CD8B2: variants seen among roughly 807,000 people sequenced by gnomAD.
CD8B2 encodes the protein CD8B family member 2, also known as T-cell surface glycoprotein CD8 beta-2 chain.
A neutral mutation model predicts 23.7 loss-of-function variants in CD8B2; 11 were observed. The ratio of observed to expected loss-of-function variants is 0.46; its 90% confidence interval spans 0.29 to 0.77. The LOEUF is 0.77. Ranked by LOEUF, CD8B2 falls within the 30% of genes least tolerant of loss-of-function variation. The probability of loss-of-function intolerance (pLI) is 0.09; values close to 1 mark genes in which losing one functional copy is unlikely to be tolerated. For synonymous variants in CD8B2, 90 were observed against 109.3 expected (o/e 0.82, Z 1.10); for missense variants, 197 against 270.5 (o/e 0.73, Z 1.91).
intron 5 of CD8B2, among the ~76,000 whole-genome samples, chr2:106,530,527 C>T (rs1005813324): frequency 6.6e-6 from 1 of 151,674 alleles, no homozygotes; most frequent in South Asian, 2.1e-4. Flanking sequence ...TACAGGCGCC[C>T]GCTACCACGC....
Position 106,507,216 on chromosome 2 carries a change from C to A in CD8B2, c.*276C>A. On this transcript the variant is annotated 3_prime_UTR_variant, in exon 6 of 6. Transcript: ENST00000643224. ...TGAGTAAGAAATGCTGCCCATGCCACCGCTTCCGGCTCCTGTGCTTTCCCT... is the reference window on the plus strand; with the variant it reads ...TGAGTAAGAAATGCTGCCCATGCCAACGCTTCCGGCTCCTGTGCTTTCCCT... 8.0e-7 allele frequency: 1 copy of A among 1,249,346 alleles called. No individual in the cohort carries two copies. The highest frequency in any genetic ancestry group is 1.0e-6 in the Non-Finnish European group (1 of 991,674). 77.4% of individuals were successfully genotyped at this position (1,249,346 alleles called of 1,614,324 possible). A position where few individuals can be genotyped will look rare whatever the true frequency, so the allele number is the denominator to read the frequency against.
downstream of CD8B2, among the ~76,000 whole-genome samples, chr2:106,511,923 G>A (rs1679638533): frequency 6.6e-6 from 1 of 152,218 alleles, no homozygotes; most frequent in Non-Finnish European, 1.5e-5. Flanking sequence ...GAAAGCAGAG[G>A]CGCTGAAAAA....
intron 5 of CD8B2, among the ~76,000 whole-genome samples, chr2:106,534,850 G>T (rs1330765417): frequency 1.3e-5 from 2 of 152,048 alleles, no homozygotes; most frequent in Non-Finnish European, 2.9e-5. Context: ...ACAGAGTCTT[G>T]CTTTTTTGCC....
chr2:106,535,839 C>T (rs1472173134), intron 5 of CD8B2, among the ~76,000 whole-genome samples: 1 of 152,056 alleles, frequency 6.6e-6, no homozygotes, highest in Non-Finnish European at 1.5e-5. Context: ...GGCTGGGCAA[C>T]TTATTAAAAA....
intron 5 of CD8B2, among the ~76,000 whole-genome samples, chr2:106,520,974 ACTCT>A (rs761887238): frequency 1.0e-4 from 15 of 143,958 alleles, no homozygotes; most frequent in Non-Finnish European, 1.8e-4. Context: ...TAGGAGAACA[ACTCT>A]CTCTCTAAGA....
intron 2 of CD8B2, 136 bp from the exon 3 acceptor site, chr2:106,496,037 G>C: frequency 7.0e-7 from 1 of 1,426,126 alleles, no homozygotes; most frequent in Non-Finnish European, 9.5e-7. Flanking sequence ...GAGCTCAAAT[G>C]ATCTCCTGCC....
chr2:106,528,101 G>A (rs1338707974), intron 5 of CD8B2, among the ~76,000 whole-genome samples: 1 of 152,232 alleles, frequency 6.6e-6, no homozygotes, highest in Non-Finnish European at 1.5e-5. Context: ...GGCTTGCAAA[G>A]TGACTGAGAA....
Position 106,506,913 on chromosome 2 carries a change from T to G in CD8B2, c.621-15T>G. On this transcript the variant is annotated splice_polypyrimidine_tract_variant and intron_variant, in intron 5 of 5. Transcript: ENST00000643224. ...CCTGAAAATAAGTGGTTTCACAACT[T>G]GCTGTTGTTTTCAGATTTTACAAAT... The G allele has an allele frequency of 2.5e-6, 4 of 1,578,014 alleles. No individual in the cohort carries two copies. The highest frequency in any genetic ancestry group is 3.4e-6 in the Non-Finnish European group (4 of 1,161,998).
At position 106,542,235 on chromosome 2, in the gene CD8B2, T is replaced by C. The variant is rs190070463; in HGVS notation, c.621-1757T>C. Among the ~76,000 whole-genome samples, 156 of 152,338 alleles carry C rather than the reference T, an allele frequency of 1.0e-3. 1 individual carries two copies. The highest frequency in any genetic ancestry group is 3.7e-3 in the African/African-American group (152 of 41,580). ...CAGCATTTTGCGCATCCCTCTGATA[T>C]AACAGTCATTATCTGGGGTTCACGG... On this transcript the variant is annotated intron_variant, in intron 5 of 5. Coordinates refer to the CD8B2 transcript ENST00000416057.
chr2:106,509,794 T>G lies in CD8B2; in HGVS notation c.*2854T>G, dbSNP rs1276114483. The G allele has an allele frequency of 6.6e-6, 1 of 152,178 alleles. No individual in the cohort carries two copies. The highest frequency in any genetic ancestry group is 1.5e-5 in the Non-Finnish European group (1 of 68,026). The allele number at this position is 152,178 out of a possible 1,614,324, so 9.4% of individuals were successfully genotyped here. ...TTATGATGAAATATGCCCCCCAAAC[T>G]CCATCCAGCTATCTTTTGACTAGCA... On this transcript the variant is annotated 3_prime_UTR_variant, in exon 6 of 6. Coordinates refer to ENST00000643224, the MANE Select transcript of CD8B2 (RefSeq NM_001349727.2).
At chr2:106,500,849 A>T (rs915963467) in intron 3 of CD8B2, among the ~76,000 whole-genome samples, 4 of 151,666 alleles carry the variant, frequency 2.6e-5, no homozygotes, top group African/African-American at 9.7e-5. Context: ...CACAAAATGG[A>T]CAAAGGAAAA....
At chr2:106,526,231 C>T (rs543956461) in intron 5 of CD8B2, among the ~76,000 whole-genome samples, 38 of 143,542 alleles carry the variant, frequency 2.6e-4, no homozygotes, top group Admixed American at 7.2e-4. Flanking sequence ...GGAAAGAGAG[C>T]GAGACTCCAT....
intron 3 of CD8B2, among the ~76,000 whole-genome samples, chr2:106,501,627 A>G (rs1395718559): frequency 6.6e-6 from 1 of 152,214 alleles, no homozygotes; most frequent in Non-Finnish European, 1.5e-5. Context: ...GGTTGCAGTG[A>G]GCCAAGATTG....
chr2:106,537,051 TG>T (rs1393602887), intron 5 of CD8B2, among the ~76,000 whole-genome samples: 1 of 152,176 alleles, frequency 6.6e-6, no homozygotes, highest in Non-Finnish European at 1.5e-5. Context: ...GCCCTTTGTC[TG>T]TGAGGCCCTG....
Position 106,491,224 on chromosome 2 carries a change from C to T in CD8B2, c.394C>T (p.Leu132=), listed in dbSNP as rs570075607. The T allele has an allele frequency of 1.2e-5, 18 of 1,547,282 alleles. No individual in the cohort carries two copies. The South Asian group carries it at 1.8e-4, about 15-fold the overall frequency. The change falls in exon 2 of 6, where the codon CTG becomes TTG. Residue 132 remains leucine, a synonymous_variant. Coordinates refer to ENST00000643224, the MANE Select transcript of CD8B2 (RefSeq NM_001349727.2). Reference sequence around the variant, plus strand: ...GCTGACCTTCGGGAAGGGAACTCAGCTGAGTGTGGGTAAAAAGCAGGCTCA... The same window carrying T: ...GCTGACCTTCGGGAAGGGAACTCAGTTGAGTGTGGGTAAAAAGCAGGCTCA... ...PELTFGKGTQ[L]SVVDFLPTTA...
chr2:106,530,778 A>G (rs1479744058), intron 5 of CD8B2, among the ~76,000 whole-genome samples: 3 of 152,188 alleles, frequency 2.0e-5, no homozygotes, highest in Non-Finnish European at 2.9e-5. Flanking sequence ...CTGATAAAAC[A>G]GGTTGCAGTG....
rs139702056 is a variant in CD8B2 at position 106,491,016 on chromosome 2, C to G, written c.186C>G (p.Ser62Arg). ...IYWLRQRQAPSSDSHHEFLTL... is the reference protein window; with the variant it reads ...IYWLRQRQAPRSDSHHEFLTL... ...GGCTGAGACAGCGCCAGGCCCCGAG[C>G]AGTGATAGTCACCACGAGTTCCTGA... Residue 62 changes from serine to arginine, a missense_variant, in exon 2 of 6, where the codon AGC (serine) becomes AGG (arginine). This residue lies in a region of CD8B2 where 140 missense variants were observed against 164.2 expected (regional missense o/e 0.85). Coordinates refer to ENST00000643224, the MANE Select transcript of CD8B2 (RefSeq NM_001349727.2). 52,543 of 1,614,016 alleles carry G rather than the reference C, an allele frequency of 0.033. 1,258 individuals are homozygous for G. The highest frequency in any genetic ancestry group is 0.1 in the Admixed American group (6,128 of 60,022).
intron 5 of CD8B2, among the ~76,000 whole-genome samples, chr2:106,531,651 GCTACTTTCCCTC>G (rs1378883343): frequency 6.6e-6 from 1 of 152,162 alleles, no homozygotes; most frequent in Non-Finnish European, 1.5e-5. Flanking sequence ...GATTGCCCCA[GCTACTTTCCCTC>G]TGATGGTCAC....
downstream of CD8B2, among the ~76,000 whole-genome samples, chr2:106,514,549 A>G (rs1673899102): frequency 6.6e-6 from 1 of 151,636 alleles, no homozygotes; most frequent in African/African-American, 2.4e-5. Flanking sequence ...GGCCTCCCAA[A>G]GTGCTGAGAT....
Sources: allele counts gnomAD v4.1 joint callset (sites outside exome capture counted in the v4.1 genomes callset), GRCh38; gene constraint gnomAD v4.1.1; regional missense constraint gnomAD v4.1.1; transcripts MANE v1.5; gene names NCBI Gene and HGNC (gene_info 2026-07-23, HGNC 2026-07-21).